RBFOX1: variants seen among roughly 807,000 people sequenced by gnomAD.
RBFOX1 encodes RNA binding protein fox-1 homolog 1.
A neutral mutation model predicts 57.7 loss-of-function variants in RBFOX1; 8 were observed. The ratio of observed to expected loss-of-function variants is 0.14; its 90% CI spans 0.08 to 0.25. The LOEUF (loss-of-function observed/expected upper bound fraction) is 0.25, where lower values mean the gene tolerates loss of function less well. RBFOX1 is among the 10% of genes least tolerant of loss of function. The pLI is 1.00. For missense variants in RBFOX1, 611 were observed against 548.5 expected (o/e 1.11, Z -1.14); for synonymous variants, 326 against 222.4 (o/e 1.47, Z -4.15).
At chr16:5,355,491 G>A (rs1195646389) in intron 1 of RBFOX1, among the ~76,000 whole-genome samples, 1 of 152,178 alleles carries the variant, frequency 6.6e-6, no homozygotes, top group African/African-American at 2.4e-5. Context: ...CAAGGCCCGG[G>A]GCCTGAGGTC....
intron 4 of RBFOX1, among the ~76,000 whole-genome samples, chr16:7,202,043 C>T (rs1053721084): frequency 6.6e-6 from 1 of 152,002 alleles, no homozygotes; most frequent in Non-Finnish European, 1.5e-5. Context: ...GAAGATCCTC[C>T]CATGGTCTTT....
intron 2 of RBFOX1, among the ~76,000 whole-genome samples, chr16:5,584,811 G>A (rs898600546): frequency 6.6e-6 from 1 of 152,164 alleles, no homozygotes; most frequent in Non-Finnish European, 1.5e-5. Context: ...ATTAGACATT[G>A]CTGATACAGA....
At chr16:6,809,681 G>A (rs991963248) in intron 3 of RBFOX1, among the ~76,000 whole-genome samples, 1 of 152,160 alleles carries the variant, frequency 6.6e-6, no homozygotes, top group East Asian at 1.9e-4. Flanking sequence ...GGTGAGATAC[G>A]TAGAGCTGCA....
At chr16:7,575,471 G>A (rs976657053) in intron 5 of RBFOX1, among the ~76,000 whole-genome samples, 7 of 152,048 alleles carry the variant, frequency 4.6e-5, no homozygotes. Flanking sequence ...GAGGGAAATT[G>A]GAGTTTCACC....
rs1471112667 is a variant in RBFOX1, at chr16:5,567,598, A to G, written c.259-31304A>G. 1.3e-4 allele frequency among the ~76,000 whole-genome samples: 18 copies of G among 136,432 alleles called. No homozygotes were observed. In the Admixed American group the frequency reaches 1.5e-3, roughly 11 times the overall value. The allele number at this position is 136,432 out of a possible 152,430, so 89.5% of individuals were successfully genotyped here. On this transcript the variant is annotated intron_variant, in intron 2 of 2. Transcript: ENST00000585867. The stretch of plus-strand genomic sequence containing the variant: ...TATGTCTGTGAATGGAGGAGAAGCC[A>G]GCTTAAACCATAGTGGGGGGGTATT...
intron 4 of RBFOX1, among the ~76,000 whole-genome samples, chr16:7,265,976 T>A (rs1307733528): frequency 7.3e-6 from 1 of 137,898 alleles, no homozygotes; most frequent in South Asian, 2.5e-4. Flanking sequence ...TTTTTTTTTT[T>A]TTTTTTTTTT....
intron 3 of RBFOX1, among the ~76,000 whole-genome samples, chr16:6,987,257 C>T (rs2090491436): frequency 6.6e-6 from 1 of 152,120 alleles, no homozygotes; most frequent in South Asian, 2.1e-4. Context: ...TTTATTGAAT[C>T]ATGGAATATT....
intron 1 of RBFOX1, among the ~76,000 whole-genome samples, chr16:6,197,842 C>G (rs1319968399): frequency 1.3e-5 from 2 of 152,026 alleles, no homozygotes; most frequent in Admixed American, 6.5e-5. Context: ...CTGTTGTTCC[C>G]TTCGTGTCCA....
At chr16:5,879,626 G>T (rs2057712124) in intron 4 of RBFOX1, among the ~76,000 whole-genome samples, 1 of 152,174 alleles carries the variant, frequency 6.6e-6, no homozygotes, top group Non-Finnish European at 1.5e-5. Flanking sequence ...CACCACGCCT[G>T]ATCTATTTTC....
chr16:5,800,961 G>A (rs752846267), intron 3 of RBFOX1, among the ~76,000 whole-genome samples: 7 of 152,122 alleles, frequency 4.6e-5, no homozygotes, highest in African/African-American at 7.2e-5. Flanking sequence ...CAGACCCATG[G>A]GAGGCTCCAA....
intron 3 of RBFOX1, among the ~76,000 whole-genome samples, chr16:5,665,350 G>T (rs2049806064): frequency 6.6e-6 from 1 of 151,926 alleles, no homozygotes; most frequent in South Asian, 2.1e-4. Flanking sequence ...CCTCCTCCAG[G>T]TTTGGCTTTA....
rs1413288632 is a variant in RBFOX1 at position 7,685,047 on chromosome 16, C to T, written c.995+8209C>T. Among the ~76,000 whole-genome samples the T allele has an allele frequency of 2.6e-5, 4 of 152,066 alleles. No individual in the cohort carries two copies. The East Asian group carries it at 7.7e-4, about 29-fold the overall frequency. On this transcript the variant is annotated intron_variant, in intron 14 of 15. Transcript: ENST00000550418. ...GTAAAGTGTAGTTTCCAGACCAACACCATTGGGCTCACCAGGAGCCTGTGA... is the reference window on the plus strand; with the variant it reads ...GTAAAGTGTAGTTTCCAGACCAACATCATTGGGCTCACCAGGAGCCTGTGA...
chr16:6,021,935 A>G (rs1403364515), intron 1 of RBFOX1, among the ~76,000 whole-genome samples: 1 of 152,202 alleles, frequency 6.6e-6, no homozygotes, highest in East Asian at 1.9e-4. Context: ...TATTCTTTCA[A>G]GTAGATTCCT....
intron 4 of RBFOX1, among the ~76,000 whole-genome samples, chr16:7,452,983 G>A (rs560337641): frequency 2.6e-5 from 4 of 152,116 alleles, no homozygotes; most frequent in Non-Finnish European, 5.9e-5. Flanking sequence ...ACAAAAATTA[G>A]CAGGGCATGG....
intron 1 of RBFOX1, among the ~76,000 whole-genome samples, chr16:6,179,952 C>G (rs764021254): frequency 4.7e-4 from 71 of 152,084 alleles, no homozygotes; most frequent in Non-Finnish European, 7.9e-4. Context: ...TGACTTTTGT[C>G]AAATTCTTTT....
intron 3 of RBFOX1, among the ~76,000 whole-genome samples, chr16:6,862,083 A>G (rs916888146): frequency 3.3e-5 from 5 of 152,124 alleles, no homozygotes; most frequent in African/African-American, 1.2e-4. Context: ...CGATGAGAAG[A>G]TGTCATTGGG....
chr16:6,321,156 A>G (rs2081741178), intron 2 of RBFOX1, among the ~76,000 whole-genome samples: 1 of 152,216 alleles, frequency 6.6e-6, no homozygotes, highest in African/African-American at 2.4e-5. Context: ...CATGGGGTAC[A>G]TAGTGATGTT....
intron 15 of RBFOX1, chr16:7,710,107 A>G (rs2083731626): frequency 9.9e-7 from 1 of 1,005,578 alleles, no homozygotes; most frequent in Non-Finnish European, 1.2e-6. Context: ...GCTTAATTAC[A>G]TCAAGCAATT....
intron 3 of RBFOX1, among the ~76,000 whole-genome samples, chr16:6,767,229 C>A (rs2077462413): frequency 6.6e-6 from 1 of 152,082 alleles, no homozygotes; most frequent in Admixed American, 6.5e-5. Context: ...TTCCCAGCCA[C>A]AGGGACTGGC....
Sources: allele counts gnomAD v4.1 joint callset (sites outside exome capture counted in the v4.1 genomes callset), GRCh38; gene constraint gnomAD v4.1.1; transcripts MANE v1.5; gene names NCBI Gene and HGNC (gene_info 2026-07-23, HGNC 2026-07-21).